The following NTRK2 variants were observed in gnomAD, a reference collection of about 807,000 sequenced individuals.
NTRK2 encodes the protein BDNF/NT-3 growth factors receptor.
NTRK2 carries 13 observed loss-of-function variants against 94.5 expected under a neutral mutation model. The observed-to-expected ratio is 0.14, with a 90% CI of 0.09 to 0.22. The LOEUF (loss-of-function observed/expected upper bound fraction) is 0.22. Among genes scored for constraint, NTRK2 ranks in the 10% least tolerant of loss-of-function variants. NTRK2 has a pLI of 1.00. For missense variants in NTRK2, 639 were observed against 1,071.2 expected (o/e 0.60, Z 5.63); for synonymous variants, 372 against 407.4 (o/e 0.91, Z 1.05).
chr9:84,776,520 C>T (rs2067063045), intron 12 of NTRK2, among the ~76,000 whole-genome samples: 1 of 152,300 alleles, frequency 6.6e-6, no homozygotes, highest in African/African-American at 2.4e-5. Flanking sequence ...CCATGTCTGG[C>T]CTGTTTCTTA....
chr9:84,673,642 T>C (rs1192508681), intron 2 of NTRK2, among the ~76,000 whole-genome samples: 1 of 152,144 alleles, frequency 6.6e-6, no homozygotes, highest in Non-Finnish European at 1.5e-5. Context: ...ACACAAATAG[T>C]GGGACATTAA....
intron 6 of NTRK2, among the ~76,000 whole-genome samples, chr9:84,723,127 A>G (rs891978836): frequency 6.6e-6 from 1 of 152,204 alleles, no homozygotes; most frequent in Non-Finnish European, 1.5e-5. Context: ...TTTTTGCAAA[A>G]ACAAAATAGG....
chr9:85,010,749 T>G (rs1167195027), intron 17 of NTRK2, among the ~76,000 whole-genome samples: 3 of 152,244 alleles, frequency 2.0e-5, no homozygotes, highest in Non-Finnish European at 4.4e-5. Flanking sequence ...CAAATGTAAT[T>G]CTAAAACTTC....
intron 12 of NTRK2, among the ~76,000 whole-genome samples, chr9:84,841,159 A>G (rs1484568005): frequency 6.6e-6 from 1 of 152,066 alleles, no homozygotes; most frequent in Non-Finnish European, 1.5e-5. Flanking sequence ...GGCATTGCCC[A>G]CCTCTCGTTT....
rs117968148 is a variant in NTRK2, at chr9:84,893,840, A to C, written c.1633+26409A>C. ...TAAAAGAGCCACCTGTGGGAGCTGA[A>C]GTTATCTTTAAGAGGCTTTTCCACA... On this transcript the variant is annotated intron_variant, in intron 14 of 18. Transcript: ENST00000277120. Among the ~76,000 whole-genome samples the C allele has an allele frequency of 2.7e-3, 413 of 152,294 alleles. 1 individual carries two copies. Among genetic ancestry groups the C allele is most frequent in the Middle Eastern group, 0.01 (3 of 294 alleles).
At chr9:84,875,454 A>G in intron 14 of NTRK2, 1 of 1,062,472 alleles carries the variant, frequency 9.4e-7, no homozygotes, top group Non-Finnish European at 1.1e-6. Context: ...GAGAGCTCTC[A>G]TTTAGGGTCA....
intron 14 of NTRK2, chr9:84,877,703 A>G: frequency 1.9e-6 from 2 of 1,060,972 alleles, no homozygotes; most frequent in Non-Finnish European, 2.3e-6. Flanking sequence ...AGCGGACCTA[A>G]CACATGACTT....
intron 12 of NTRK2, among the ~76,000 whole-genome samples, chr9:84,758,250 A>T (rs1322983815): frequency 6.6e-6 from 1 of 152,004 alleles, no homozygotes; most frequent in Non-Finnish European, 1.5e-5. Context: ...AAATCTGTCC[A>T]TCTTTTCCAT....
At chr9:84,815,521 T>TG in intron 12 of NTRK2, 1 of 985,022 alleles carries the variant, frequency 1.0e-6, no homozygotes, top group South Asian at 4.8e-5. Flanking sequence ...ATGCCCTGTT[T>TG]TTTTTTTTTT....
chr9:84,968,845 A>G (rs562308141), intron 17 of NTRK2, among the ~76,000 whole-genome samples: 64 of 152,284 alleles, frequency 4.2e-4, no homozygotes, highest in Non-Finnish European at 6.5e-4. Context: ...TGTGGCATAT[A>G]CTGTGCTACA....
At chr9:84,775,939 A>C (rs2066988152) in intron 12 of NTRK2, among the ~76,000 whole-genome samples, 1 of 152,192 alleles carries the variant, frequency 6.6e-6, no homozygotes, top group East Asian at 1.9e-4. Flanking sequence ...CACAAAAAAC[A>C]TTAAGGCCAG....
intron 12 of NTRK2, chr9:84,812,770 TAA>T (rs76023769): frequency 9.7e-7 from 1 of 1,036,106 alleles, no homozygotes; most frequent in Non-Finnish European, 1.2e-6. Context: ...AAAGGAAAAA[TAA>T]AAAAAAAGGA....
At chr9:84,968,605 C>G (rs986060132) in intron 17 of NTRK2, among the ~76,000 whole-genome samples, 11 of 152,168 alleles carry the variant, frequency 7.2e-5, no homozygotes, top group African/African-American at 2.7e-4. Context: ...GGCAGGCAGA[C>G]AGCAGACTTG....
At chr9:84,917,430 G>A (rs2077427601) in intron 14 of NTRK2, among the ~76,000 whole-genome samples, 1 of 152,136 alleles carries the variant, frequency 6.6e-6, no homozygotes, top group Admixed American at 6.5e-5. Context: ...CAGCTTCTTG[G>A]TTGCAATGAC....
chr9:84,792,984 TATCATCACC>T (rs2068884456), intron 12 of NTRK2, among the ~76,000 whole-genome samples: 1 of 152,168 alleles, frequency 6.6e-6, no homozygotes, highest in Admixed American at 6.5e-5. Flanking sequence ...CTACCATCAG[TATCATCACC>T]ATCATCACCA....
chr9:84,740,360 T>C (rs572000250), intron 9 of NTRK2, among the ~76,000 whole-genome samples: 2 of 152,350 alleles, frequency 1.3e-5, no homozygotes, highest in East Asian at 3.9e-4. Context: ...ACAAGACATA[T>C]TCACATATGA....
intron 12 of NTRK2, among the ~76,000 whole-genome samples, chr9:84,806,156 C>T (rs1343451409): frequency 6.6e-6 from 1 of 152,108 alleles, no homozygotes; most frequent in Non-Finnish European, 1.5e-5. Flanking sequence ...AGATGTGCTC[C>T]CTCTGTCCTC....
intron 14 of NTRK2, among the ~76,000 whole-genome samples, chr9:84,913,846 T>C (rs1422232630): frequency 6.6e-6 from 1 of 150,698 alleles, no homozygotes; most frequent in East Asian, 1.9e-4. Flanking sequence ...AAGTTTCAGC[T>C]GCTATTTTTC....
chr9:84,749,871 G>A (rs1276094181), intron 11 of NTRK2, among the ~76,000 whole-genome samples: 4 of 152,154 alleles, frequency 2.6e-5, no homozygotes, highest in African/African-American at 9.7e-5. Context: ...GGGTATATCA[G>A]TCAGAATAAG....
Sources: allele counts gnomAD v4.1 joint callset (sites outside exome capture counted in the v4.1 genomes callset), GRCh38; gene constraint gnomAD v4.1.1; transcripts MANE v1.5; gene names NCBI Gene and HGNC (gene_info 2026-07-23, HGNC 2026-07-21).